The following PXMP4 variants were observed in gnomAD, a reference collection of about 807,000 sequenced individuals.
The protein encoded by PXMP4 is 24 kDa peroxisomal intrinsic membrane protein.
A neutral mutation model predicts 21.6 loss-of-function variants in PXMP4; 16 were observed. That is an observed-to-expected ratio of 0.74 (90% confidence interval 0.50 to 1.13). The LOEUF is 1.13. Ranked by LOEUF, PXMP4 falls within the 50% of genes most tolerant of loss-of-function variation. The pLI is 0.00. For synonymous variants in PXMP4, 127 were observed against 123.8 expected (o/e 1.03, Z -0.17); for missense variants, 240 against 277.7 (o/e 0.86, Z 0.96).
At chr20:33,709,946 C>T (rs917824569) in intron 3 of PXMP4, among the ~76,000 whole-genome samples, 2 of 146,094 alleles carry the variant, frequency 1.4e-5, no homozygotes, top group African/African-American at 2.6e-5. Context: ...TGAACCACGC[C>T]CTTTCTCCCA....
At position 33,714,729 on chromosome 20, in the gene PXMP4, C is replaced by G. The variant is rs755342921; in HGVS notation, c.121G>C (p.Ala41Pro). 1 of 1,613,900 alleles carries G rather than the reference C, an allele frequency of 6.2e-7. No individual in the cohort carries two copies. The highest frequency in any genetic ancestry group is 1.3e-5 in the African/African-American group (1 of 74,892). ...AGCGCGTGAGGGGCCCGGATTTTGG[C>G]TCCATAGCTGTAGAAACAGAAGAAA... ...KGFRNGAVYG[A>P]KIRAPHALVM... Residue 41 changes from alanine (A) to proline (P), a missense_variant, in exon 2 of 4, where the codon GCC becomes CCC. By Grantham distance (27) the Ala-to-Pro change is conservative. Transcript: ENST00000409299.
chr20:33,717,660 T>TAAAAAAAAAAA lies in PXMP4; in HGVS notation c.113+2434_113+2435insTTTTTTTTTTT, dbSNP rs2018398410. Reference sequence around the variant, plus strand: ...GTCTCAAAAAAAAAAAAAAAAAAATTATTAAATATTTTAAATGTTACATAA... The same window carrying TAAAAAAAAAAA: ...GTCTCAAAAAAAAAAAAAAAAAAATTAAAAAAAAAAAATTAAATATTTTAAATGTTACATAA... On this transcript the variant is annotated intron_variant, in intron 1 of 3. Coordinates refer to ENST00000409299, the MANE Select transcript of PXMP4 (RefSeq NM_007238.5). 1.9e-4 allele frequency among the ~76,000 whole-genome samples: 21 copies of TAAAAAAAAAAA among 109,046 alleles called. 2 individuals are homozygous for TAAAAAAAAAAA. Among genetic ancestry groups the TAAAAAAAAAAA allele is most frequent in the African/African-American group, 8.7e-4 (21 of 24,210 alleles). The allele number at this position is 109,046 out of a possible 152,430, so 71.5% of individuals were successfully genotyped here.
In PXMP4 at chr20:33,706,107, G is replaced by C. The variant is rs2018254365; in HGVS notation, c.*1599C>G. 1 of 151,648 alleles carries C rather than the reference G, an allele frequency of 6.6e-6. No homozygotes were observed. The allele number at this position is 151,648 out of a possible 1,614,324, so 9.4% of individuals were successfully genotyped here. A position where few individuals can be genotyped will look rare whatever the true frequency, so the allele number is the denominator to read the frequency against. On this transcript the variant is annotated 3_prime_UTR_variant, in exon 4 of 4. Transcript: ENST00000409299. ...TGCCTGGCTAATTTTTGTATTTTTA[G>C]TAGAGATGGGGTTTTACCATGTTGG...
At chr20:33,711,394 G>A (rs2018324485) in intron 2 of PXMP4, among the ~76,000 whole-genome samples, 1 of 152,156 alleles carries the variant, frequency 6.6e-6, no homozygotes, top group Non-Finnish European at 1.5e-5. Context: ...CACGTGCCAC[G>A]CCCGGAGGAG....
intron 3 of PXMP4, among the ~76,000 whole-genome samples, chr20:33,709,965 T>C (rs1191657877): frequency 7.5e-6 from 1 of 133,600 alleles, no homozygotes; most frequent in Non-Finnish European, 1.6e-5. Flanking sequence ...CACTCCTACC[T>C]CTATACAGAA....
At chr20:33,717,660 T>TAAAAAAAAAAAAAA (rs2018398410) in intron 1 of PXMP4, among the ~76,000 whole-genome samples, 14 of 109,096 alleles carry the variant, frequency 1.3e-4, no homozygotes, top group African/African-American at 5.4e-4. Flanking sequence ...AAAAAAAAAT[T>TAAAAAAAAAAAAAA]ATTAAATATT....
Position 33,707,193 on chromosome 20 carries a change from T to C in PXMP4, c.*513A>G, listed in dbSNP as rs925935428. 1.3e-5 allele frequency: 2 copies of C among 152,566 alleles called. No homozygotes were observed. Among genetic ancestry groups the C allele is most frequent in the African/African-American group, 4.8e-5 (2 of 41,456 alleles). The allele number at this position is 152,566 out of a possible 1,614,324, so 9.5% of individuals were successfully genotyped here. A position where few individuals can be genotyped will look rare whatever the true frequency, so the allele number is the denominator to read the frequency against. ...CAGTGCCCAGGCTTCTTTTTTGTAATGCAGCTACTAGAAACATTTTAATTA... is the reference window on the plus strand; with the variant it reads ...CAGTGCCCAGGCTTCTTTTTTGTAACGCAGCTACTAGAAACATTTTAATTA... On this transcript the variant is annotated 3_prime_UTR_variant, in exon 4 of 4. Coordinates refer to ENST00000409299, the MANE Select transcript of PXMP4 (RefSeq NM_007238.5).
At chr20:33,718,041 C>T (rs1331563463) in intron 1 of PXMP4, among the ~76,000 whole-genome samples, 1 of 152,186 alleles carries the variant, frequency 6.6e-6, no homozygotes, top group Non-Finnish European at 1.5e-5. Flanking sequence ...CACCTCCACC[C>T]CTACCCCTAT....
chr20:33,708,875 A>G (rs6057884), intron 3 of PXMP4, among the ~76,000 whole-genome samples: 134,508 of 152,066 alleles, frequency 0.88, 59,861 homozygotes, highest in East Asian at 1. Context: ...TTTTAATGGA[A>G]ATGGGATTAC....
intron 2 of PXMP4, among the ~76,000 whole-genome samples, chr20:33,713,722 T>C (rs1462935692): frequency 6.6e-6 from 1 of 151,988 alleles, no homozygotes; most frequent in African/African-American, 2.4e-5. Context: ...AAAAACAAAA[T>C]AGAAAAAAAT....
At chr20:33,712,532 C>G (rs2018339234) in intron 2 of PXMP4, among the ~76,000 whole-genome samples, 1 of 152,212 alleles carries the variant, frequency 6.6e-6, no homozygotes, top group African/African-American at 2.4e-5. Context: ...TCACTGCAAC[C>G]TCTTCCTCCT....
In PXMP4 at chr20:33,713,855, G is replaced by A. The variant is rs1178843083; in HGVS notation, c.176+819C>T. On this transcript the variant is annotated intron_variant, in intron 2 of 3. Coordinates refer to ENST00000409299, the MANE Select transcript of PXMP4 (RefSeq NM_007238.5). ...TGCATTAAACACTAGACCGCAACCC[G>A]TTTTCTGAGAAGTGCCTTGAGGGAA... Among the ~76,000 whole-genome samples, 9 of 152,332 alleles carry A rather than the reference G, an allele frequency of 5.9e-5. No individual in the cohort carries two copies. The East Asian group carries it at 1.3e-3, about 23-fold the overall frequency.
chr20:33,712,812 G>C (rs933806844), intron 2 of PXMP4, among the ~76,000 whole-genome samples: 1 of 152,190 alleles, frequency 6.6e-6, no homozygotes. Flanking sequence ...TGTATTTTTA[G>C]TAGAGACGGG....
Position 33,703,296 on chromosome 20 carries a change from G to C in PXMP4, c.*4410C>G, listed in dbSNP as rs192793879. The C allele has an allele frequency of 5.3e-5, 8 of 152,298 alleles. No homozygotes were observed. Among genetic ancestry groups the C allele is most frequent in the Admixed American group, 5.2e-4 (8 of 15,296 alleles). 9.4% of individuals were successfully genotyped at this position (152,298 alleles called of 1,614,324 possible). On this transcript the variant is annotated 3_prime_UTR_variant, in exon 4 of 4. Transcript: ENST00000409299. Reference sequence around the variant, plus strand: ...TCTTAGAAATAACAGCATTTATTGGGGACTCACTTTAACTGTGTCATATTC... The same window carrying C: ...TCTTAGAAATAACAGCATTTATTGGCGACTCACTTTAACTGTGTCATATTC...
chr20:33,711,558 A>C (rs909473195), intron 2 of PXMP4, among the ~76,000 whole-genome samples: 1 of 152,162 alleles, frequency 6.6e-6, no homozygotes, highest in Non-Finnish European at 1.5e-5. Context: ...AGAGGAGGCT[A>C]TTCTTTTTAT....
chr20:33,710,292 C>A (rs183517390), intron 3 of PXMP4, among the ~76,000 whole-genome samples: 1 of 148,910 alleles, frequency 6.7e-6, no homozygotes, highest in East Asian at 2.1e-4. Context: ...TACCTCCATA[C>A]AGAACCACAC....
In PXMP4 at chr20:33,707,410, CCT is replaced by C. The variant is rs978966276; in HGVS notation, c.*294_*295del. ...CACCGGAAAGAGACCTCAGGGCCCT[CCT>C]CTGAGCTCCTTGACCCCTGAGGCCT... On this transcript the variant is annotated 3_prime_UTR_variant, in exon 4 of 4. Transcript: ENST00000409299. The C allele has an allele frequency of 5.5e-6, 2 of 360,440 alleles. No homozygotes were observed. Among genetic ancestry groups the C allele is most frequent in the African/African-American group, 4.1e-5 (2 of 48,740 alleles). The allele number at this position is 360,440 out of a possible 1,614,324, so 22.3% of individuals were successfully genotyped here. A position where few individuals can be genotyped will look rare whatever the true frequency, so the allele number is the denominator to read the frequency against.
chr20:33,714,649 C>A (rs781759266), intron 2 of PXMP4, 25 bp downstream of exon 2: 10 of 1,609,580 alleles, frequency 6.2e-6, no homozygotes, highest in Non-Finnish European at 7.7e-6. Context: ...TGACCACATT[C>A]TCTCCCAGTT....
chr20:33,713,947 G>A (rs1399090094), intron 2 of PXMP4, among the ~76,000 whole-genome samples: 1 of 152,206 alleles, frequency 6.6e-6, no homozygotes, highest in Non-Finnish European at 1.5e-5. Context: ...GGAGCTTTGA[G>A]GAGGAAGTGA....
Sources: allele counts gnomAD v4.1 joint callset (sites outside exome capture counted in the v4.1 genomes callset), GRCh38; gene constraint gnomAD v4.1.1; transcripts MANE v1.5; gene names NCBI Gene and HGNC (gene_info 2026-07-23, HGNC 2026-07-21).